TALDO1: variants seen among roughly 807,000 people sequenced by gnomAD.
TALDO1 encodes transaldolase.
Under a neutral mutation model 38.1 loss-of-function variants are expected in TALDO1, and 29 were observed. That is an observed-to-expected ratio of 0.76 (90% CI 0.57 to 1.04). The LOEUF (loss-of-function observed/expected upper bound fraction) is 1.04, where lower values mean the gene tolerates loss of function less well. Among genes scored for constraint, TALDO1 ranks in the 50% least tolerant of loss-of-function variants. The probability of loss-of-function intolerance (pLI) is 0.00; values close to 1 mark genes in which losing one functional copy is unlikely to be tolerated. For missense variants in TALDO1, 499 were observed against 438.1 expected (o/e 1.14, Z -1.24); for synonymous variants, 207 against 176.8 (o/e 1.17, Z -1.36).
intron 2 of TALDO1, among the ~76,000 whole-genome samples, chr11:758,346 C>T (rs1449149999): frequency 1.3e-5 from 2 of 151,802 alleles, no homozygotes; most frequent in Non-Finnish European, 2.9e-5. Context: ...ACTTGGGAGG[C>T]TGAGGCAGGA....
At chr11:764,536 C>G (rs1374926116) in intron 7 of TALDO1, 103 bp downstream of exon 7, 4 of 1,523,800 alleles carry the variant, frequency 2.6e-6, no homozygotes, top group Non-Finnish European at 3.6e-6. Context: ...GGTGAGACCC[C>G]AGGTCTCATT....
At chr11:759,176 A>G in intron 3 of TALDO1, 119 bp downstream of exon 3, 1 of 856,656 alleles carries the variant, frequency 1.2e-6, no homozygotes, top group Non-Finnish European at 2.0e-6. Flanking sequence ...AGGGCCCAAG[A>G]GGAGGTTTAT....
At chr11:762,332 G>A (rs1862951014) in intron 4 of TALDO1, among the ~76,000 whole-genome samples, 1 of 152,134 alleles carries the variant, frequency 6.6e-6, no homozygotes, top group Non-Finnish European at 1.5e-5. Flanking sequence ...TCATCTGTTG[G>A]TGGACACCTG....
In TALDO1 at chr11:759,080, T is replaced by A. The variant is rs1359457637; in HGVS notation, c.329+23T>A. 3.1e-6 allele frequency: 5 copies of A among 1,590,514 alleles called. No homozygotes were observed. In the East Asian group the frequency reaches 1.1e-4, roughly 36 times the overall value. On this transcript the variant is annotated intron_variant, in intron 3 of 7. Coordinates refer to ENST00000319006, the MANE Select transcript of TALDO1 (RefSeq NM_006755.2). ...AAGGTAAGGATGCTTGCTCCTGCAC[T>A]GGATGGGCTGGTCAGGTGTCCACAG...
At chr11:749,376 T>C (rs1305343497) in intron 1 of TALDO1, among the ~76,000 whole-genome samples, 1 of 119,608 alleles carries the variant, frequency 8.4e-6, no homozygotes, top group Non-Finnish European at 1.6e-5. Flanking sequence ...CACTCCAGCC[T>C]GGGCGACAGA....
chr11:752,724 TC>T (rs60442335), intron 1 of TALDO1, among the ~76,000 whole-genome samples: 41,017 of 152,118 alleles, frequency 0.27, 6,353 homozygotes, highest in African/African-American at 0.43. Flanking sequence ...TTCCTCTGTG[TC>T]CTTTGTATAA....
intron 2 of TALDO1, among the ~76,000 whole-genome samples, chr11:757,160 C>T (rs559309604): frequency 1.3e-5 from 2 of 152,244 alleles, no homozygotes; most frequent in African/African-American, 4.8e-5. Context: ...CCCTTTTCCT[C>T]ATCTCGTGGT....
chr11:761,842 A>AT (rs764958803), intron 4 of TALDO1, among the ~76,000 whole-genome samples: 183 of 152,132 alleles, frequency 1.2e-3, no homozygotes, highest in Non-Finnish European at 2.1e-3. Flanking sequence ...CTCCTGGGTA[A>AT]TTTCACCACG....
Position 763,916 on chromosome 11 carries a change from G to C in TALDO1, c.807G>C (p.Lys269Asn), listed in dbSNP as rs781092234. 3.7e-6 allele frequency: 6 copies of C among 1,611,480 alleles called. No homozygotes were observed. Among genetic ancestry groups the C allele is most frequent in the Non-Finnish European group, 5.1e-6 (6 of 1,179,944 alleles). Residue 269 changes from lysine (K) to asparagine (N), a missense_variant, in exon 6 of 8, where the codon AAG (lysine) becomes AAC (asparagine). Transcript: ENST00000319006. ...GAGAGCTGCTGCAGGACAACGCCAA[G>C]CTGGTGCCTGTGCTCTCAGCCAAGG... ...LLGELLQDNA[K>N]LVPVLSAKAA...
intron 3 of TALDO1, among the ~76,000 whole-genome samples, chr11:759,692 GC>G (rs2133577360): frequency 6.6e-6 from 1 of 152,190 alleles, no homozygotes; most frequent in South Asian, 2.1e-4. Flanking sequence ...CGATTCTCCT[GC>G]CTCAGCCTCC....
chr11:759,264 ATTTTT>A (rs1032345177), intron 3 of TALDO1, among the ~76,000 whole-genome samples: 5 of 151,802 alleles, frequency 3.3e-5, no homozygotes, highest in Non-Finnish European at 7.4e-5. Flanking sequence ...TTTTATTTTT[ATTTTT>A]ATTTATTTTT....
intron 4 of TALDO1, among the ~76,000 whole-genome samples, chr11:761,799 C>T (rs977997780): frequency 1.3e-5 from 2 of 152,106 alleles, no homozygotes; most frequent in African/African-American, 2.4e-5. Flanking sequence ...ACCTCAGTCC[C>T]CCAAGTGGCT....
chr11:759,972 A>C, intron 3 of TALDO1, 150 bp from the exon 4 acceptor site: 1 of 1,083,258 alleles, frequency 9.2e-7, no homozygotes, highest in Non-Finnish European at 1.4e-6. Flanking sequence ...GCCATTCTGC[A>C]AACCTCCAGT....
intron 4 of TALDO1, among the ~76,000 whole-genome samples, chr11:762,838 G>T (rs376043084): frequency 4.6e-5 from 7 of 152,362 alleles, no homozygotes; most frequent in African/African-American, 1.7e-4. Flanking sequence ...CGGGCCTGCT[G>T]CAGGGTGGCC....
rs1008579994 is a variant in TALDO1 at position 749,152 on chromosome 11, C to T, written c.97+1574C>T. ...CAGCGAGGTGGCTCACGCCTGTAATCCCAGCACTTTGGGAGGTTGAGGCAG... is the reference window on the plus strand; with the variant it reads ...CAGCGAGGTGGCTCACGCCTGTAATTCCAGCACTTTGGGAGGTTGAGGCAG... On this transcript the variant is annotated intron_variant, in intron 1 of 7. Transcript: ENST00000319006. Among the ~76,000 whole-genome samples, 5 of 152,274 alleles carry T rather than the reference C, an allele frequency of 3.3e-5. No homozygotes were observed. The Middle Eastern group carries it at 0.017, about 518-fold the overall frequency.
At chr11:757,717 T>C (rs1194480577) in intron 2 of TALDO1, among the ~76,000 whole-genome samples, 1 of 152,164 alleles carries the variant, frequency 6.6e-6, no homozygotes, top group Non-Finnish European at 1.5e-5. Context: ...CCAATAACTT[T>C]GAAGAGATAG....
chr11:748,004 C>G (rs948935468), intron 1 of TALDO1, among the ~76,000 whole-genome samples: 3 of 152,260 alleles, frequency 2.0e-5, no homozygotes, highest in African/African-American at 7.2e-5. Flanking sequence ...TCAGACCCCG[C>G]ACCCGGGACG....
chr11:764,170 G>A, intron 6 of TALDO1, 118 bp from the exon 7 acceptor site: 1 of 1,569,236 alleles, frequency 6.4e-7, no homozygotes, highest in Non-Finnish European at 8.7e-7. Context: ...GCCTTGCTGG[G>A]GCCAAGGCCT....
chr11:755,804 A>AC, intron 1 of TALDO1, 75 bp from the exon 2 acceptor site: 3 of 1,610,666 alleles, frequency 1.9e-6, no homozygotes, highest in Non-Finnish European at 2.5e-6. Flanking sequence ...CTGGGGAATT[A>AC]CAGGGTTCCT....
Sources: allele counts gnomAD v4.1 joint callset (sites outside exome capture counted in the v4.1 genomes callset), GRCh38; gene constraint gnomAD v4.1.1; transcripts MANE v1.5; gene names NCBI Gene and HGNC (gene_info 2026-07-23, HGNC 2026-07-21).